The following CFAP47 variants were observed in gnomAD, a reference collection of about 807,000 sequenced individuals.
CFAP47 encodes cilia and flagella associated protein 47.
In CFAP47, 29 loss-of-function variants were observed where a neutral mutation model predicts 148.1. The ratio of observed to expected loss-of-function variants is 0.20; its 90% confidence interval spans 0.15 to 0.27. CFAP47 has a LOEUF of 0.27. Ranked by LOEUF, CFAP47 falls within the 10% of genes least tolerant of loss-of-function variation. CFAP47 has a pLI of 1.00. For synonymous variants in CFAP47, 664 were observed against 577.3 expected, an observed-to-expected ratio of 1.15 and a Z score of -2.15; for missense variants, 1,872 against 1,697.5, an observed-to-expected ratio of 1.10 and a Z score of -1.81.
chrX:36,174,394 C>T (rs1169871693), intron 39 of CFAP47, among the ~76,000 whole-genome samples: 2 of 109,578 alleles, frequency 1.8e-5, no homozygotes, highest in African/African-American at 6.6e-5. Context: ...TCTTCCTAGT[C>T]TCGATGGTCT....
rs996629371 is a variant in CFAP47, at chrX:35,938,015, T to C, written c.402-3268T>C. Among the ~76,000 whole-genome samples, 8 of 111,975 alleles carry C rather than the reference T, an allele frequency of 7.1e-5. No individual in the cohort carries two copies. In the Admixed American group the frequency reaches 7.6e-4, roughly 11 times the overall value. ...CTCCCAAAACTATGACCTTCTTTTA[T>C]ATTTAAAAATATCTACGATTTTCAT... On this transcript the variant is annotated intron_variant, in intron 2 of 63. Coordinates refer to ENST00000378653, the MANE Select transcript of CFAP47 (RefSeq NM_001304548.2).
At chrX:36,207,933 C>T (rs1454435253) in intron 45 of CFAP47, among the ~76,000 whole-genome samples, 1 of 111,797 alleles carries the variant, frequency 8.9e-6, no homozygotes, top group Admixed American at 9.5e-5. Flanking sequence ...CAAAATGCTC[C>T]GGGCTGGTTT....
chrX:35,951,991 G>A, intron 6 of CFAP47, 28 bp downstream of exon 6: 1 of 1,130,587 alleles, frequency 8.8e-7, no homozygotes, highest in Non-Finnish European at 1.2e-6. Flanking sequence ...TCATTGTAAT[G>A]TTAAATATTA....
intron 61 of CFAP47, among the ~76,000 whole-genome samples, chrX:36,366,324 T>C (rs1285968549): frequency 8.9e-6 from 1 of 111,749 alleles, no homozygotes; most frequent in Non-Finnish European, 1.9e-5. Flanking sequence ...TCTCCACTCT[T>C]TGTCATAGTC....
intron 51 of CFAP47, among the ~76,000 whole-genome samples, chrX:36,296,849 A>G (rs1556006862): frequency 8.9e-6 from 1 of 111,802 alleles, no homozygotes; most frequent in Non-Finnish European, 1.9e-5. Context: ...ATTTTTGACC[A>G]TTGGAAATTA....
At chrX:36,144,769 G>A (rs779198246) in intron 35 of CFAP47, 1 of 1,026,167 alleles carries the variant, frequency 9.7e-7, no homozygotes. Context: ...TCCCTTTGGA[G>A]CAGGATGCAT....
At chrX:36,371,031 T>A (rs1216433139) in intron 62 of CFAP47, among the ~76,000 whole-genome samples, 8 of 111,425 alleles carry the variant, frequency 7.2e-5, no homozygotes, top group African/African-American at 2.6e-4. Context: ...TAATACAAAG[T>A]ATTCTGAAGA....
At chrX:36,009,632 C>A (rs1937016961) in intron 21 of CFAP47, among the ~76,000 whole-genome samples, 2 of 111,958 alleles carry the variant, frequency 1.8e-5, no homozygotes, top group Admixed American at 1.9e-4. Flanking sequence ...GTATTTTAGG[C>A]TTCTATAATT....
intron 18 of CFAP47, among the ~76,000 whole-genome samples, chrX:35,995,677 A>G (rs764714138): frequency 9.0e-6 from 1 of 111,352 alleles, no homozygotes; most frequent in Non-Finnish European, 1.9e-5. Context: ...TTGATTGTAG[A>G]GATGTCTAGT....
At chrX:35,953,957 A>G (rs1487959952) in intron 7 of CFAP47, among the ~76,000 whole-genome samples, 1 of 111,386 alleles carries the variant, frequency 9.0e-6, no homozygotes, top group Non-Finnish European at 1.9e-5. Context: ...AAATGATGTT[A>G]GATAAACATG....
At chrX:36,164,035 A>T (rs1053423393) in intron 39 of CFAP47, among the ~76,000 whole-genome samples, 5 of 111,715 alleles carry the variant, frequency 4.5e-5, no homozygotes, top group Non-Finnish European at 9.4e-5. Flanking sequence ...ATTCCATTCA[A>T]GTTAGAGAGC....
At chrX:36,175,353 C>G (rs190560125) in intron 39 of CFAP47, among the ~76,000 whole-genome samples, 3 of 112,175 alleles carry the variant, frequency 2.7e-5, no homozygotes, top group African/African-American at 6.5e-5. Flanking sequence ...GAACTGCGTT[C>G]CTTTGGAGGA....
chrX:35,942,104 G>C (rs911125723), intron 3 of CFAP47, among the ~76,000 whole-genome samples: 1 of 110,389 alleles, frequency 9.1e-6, no homozygotes, highest in Admixed American at 9.7e-5. Flanking sequence ...AATAAGCATA[G>C]GATTGCTTAT....
rs1488338871 is a variant in CFAP47 at position 36,380,063 on chromosome X, T to C, written c.9354+545T>C. Reference sequence around the variant, plus strand: ...GGTAAATACAATTTTGAACATTTATTCAGTAACCAAAGTTGCTCTATAAAG... The same window carrying C: ...GGTAAATACAATTTTGAACATTTATCCAGTAACCAAAGTTGCTCTATAAAG... On this transcript the variant is annotated intron_variant, in intron 63 of 63. Coordinates refer to ENST00000378653, the MANE Select transcript of CFAP47 (RefSeq NM_001304548.2). Among the ~76,000 whole-genome samples, 3 of 112,455 alleles carry C rather than the reference T, an allele frequency of 2.7e-5. No individual in the cohort carries two copies. The South Asian group carries it at 1.1e-3, about 41-fold the overall frequency.
chrX:36,181,862 T>C lies in CFAP47; in HGVS notation c.6104+2440T>C, dbSNP rs6653960. Among the ~76,000 whole-genome samples the C allele has an allele frequency of 6.1e-3, 684 of 112,561 alleles. 7 individuals are homozygous for C. The highest frequency in any genetic ancestry group is 0.02 in the African/African-American group (632 of 31,045). On this transcript the variant is annotated intron_variant, in intron 40 of 63. Coordinates refer to ENST00000378653, the MANE Select transcript of CFAP47 (RefSeq NM_001304548.2). ...ACAAAGTTTCTTAAGGAAGAGGGCT[T>C]GTCAATTAATGCAAGCTCTTGGTTT...
chrX:36,181,098 T>C (rs1424680698), intron 40 of CFAP47, among the ~76,000 whole-genome samples: 1 of 112,081 alleles, frequency 8.9e-6, no homozygotes. Context: ...GTAAAATTTA[T>C]AGTATATGGT....
chrX:36,266,775 A>G (rs986539101), intron 49 of CFAP47, among the ~76,000 whole-genome samples: 18 of 110,727 alleles, frequency 1.6e-4, no homozygotes, highest in Non-Finnish European at 3.4e-4. Flanking sequence ...CCCTGGTCCT[A>G]TGGAAAAGAC....
chrX:36,376,367 A>G (rs1461447259), intron 62 of CFAP47, among the ~76,000 whole-genome samples: 2 of 111,759 alleles, frequency 1.8e-5, no homozygotes, highest in Non-Finnish European at 3.8e-5. Context: ...TTTTGTTCTT[A>G]GTAGTCCTCA....
At chrX:35,995,823 G>T (rs148331698) in intron 18 of CFAP47, among the ~76,000 whole-genome samples, 4,174 of 110,870 alleles carry the variant, frequency 0.038, 182 homozygotes, top group African/African-American at 0.12. Context: ...AAGTTGGAAT[G>T]ATAAAAGTTG....
Sources: gnomAD v4.1 joint callset for allele counts (sites outside exome capture counted in the v4.1 genomes callset) on GRCh38, gnomAD v4.1.1 for gene constraint, MANE v1.5 for transcripts, NCBI Gene and HGNC (gene_info 2026-07-23, HGNC 2026-07-21) for gene names.